Variants in KRABD2 observed in about 807,000 individuals in gnomAD.
KRABD2 encodes KRAB domain containing 2, also known as KRAB domain-containing protein 2.
the KRABD2 span, chr17:8,369,663 C>G: frequency 6.2e-7 from 1 of 1,614,168 alleles, no homozygotes; most frequent in Non-Finnish European, 8.5e-7. Flanking sequence ...ACTGGGTGTA[C>G]CAAGAATTGT....
the KRABD2 span, among the ~76,000 whole-genome samples, chr17:8,363,859 A>ATTTATT: frequency 4.0e-5 from 3 of 74,966 alleles, no homozygotes; most frequent in Non-Finnish European, 5.6e-5. Flanking sequence ...ATATATATAT[A>ATTTATT]TATTTATTTA....
At chr17:8,359,230 C>A in the KRABD2 span, among the ~76,000 whole-genome samples, 1 of 152,178 alleles carries the variant, frequency 6.6e-6, no homozygotes, top group Non-Finnish European at 1.5e-5. Context: ...TTCAGGGCAG[C>A]AGTAGTTGTA....
At chr17:8,367,431 G>A in the KRABD2 span, among the ~76,000 whole-genome samples, 5 of 150,676 alleles carry the variant, frequency 3.3e-5, no homozygotes, top group African/African-American at 1.2e-4. Flanking sequence ...CCTGGGAGGC[G>A]GAGGCTGCAG....
chr17:8,368,636 AT>A, the KRABD2 span: 586 of 140,118 alleles, frequency 4.2e-3, 1 homozygote, highest in Middle Eastern at 7.7e-3. Context: ...TGTGGTGGTA[AT>A]TTTTTTTTTT....
At chr17:8,370,342 C>G in the KRABD2 span, 1 of 1,602,498 alleles carries the variant, frequency 6.2e-7, no homozygotes, top group East Asian at 2.2e-5. Context: ...CCAGGTGGAT[C>G]ATTTCCAGCT....
At chr17:8,374,686 C>T in the KRABD2 span, among the ~76,000 whole-genome samples, 1 of 149,204 alleles carries the variant, frequency 6.7e-6, no homozygotes, top group Admixed American at 6.7e-5. Context: ...GGGGCTCACA[C>T]CTGTAACCCC....
At chr17:8,374,954 A>AAAAT in the KRABD2 span, among the ~76,000 whole-genome samples, 2 of 149,992 alleles carry the variant, frequency 1.3e-5, 1 homozygote, top group Non-Finnish European at 3.0e-5. Flanking sequence ...AAAAAAAAAA[A>AAAAT]AAAAAAAAAA....
chr17:8,360,102 C>G, the KRABD2 span, among the ~76,000 whole-genome samples: 1 of 152,100 alleles, frequency 6.6e-6, no homozygotes, highest in Non-Finnish European at 1.5e-5. Context: ...AGAACTCCTA[C>G]GCCAAAGTTC....
the KRABD2 span, among the ~76,000 whole-genome samples, chr17:8,366,197 A>G: frequency 1.3e-5 from 2 of 152,116 alleles, no homozygotes; most frequent in Non-Finnish European, 2.9e-5. Context: ...CCATTTCTGT[A>G]GAATCATTTA....
the KRABD2 span, among the ~76,000 whole-genome samples, chr17:8,373,079 T>C: frequency 2.0e-3 from 297 of 152,288 alleles, 1 homozygote; most frequent in Non-Finnish European, 3.5e-3. Context: ...ATCTAGTGAT[T>C]TTAAAAAAAT....
At chr17:8,375,598 T>C in the KRABD2 span, 1 of 152,094 alleles carries the variant, frequency 6.6e-6, no homozygotes, top group Admixed American at 6.6e-5. Context: ...TACAGTGGCA[T>C]GATCACGGCT....
the KRABD2 span, chr17:8,371,642 T>G: frequency 1.1e-5 from 16 of 1,419,200 alleles, no homozygotes; most frequent in Middle Eastern, 4.4e-4. Flanking sequence ...GGGAAAGGAG[T>G]TTTGCTTTCC....
At chr17:8,365,293 C>T in the KRABD2 span, among the ~76,000 whole-genome samples, 1 of 152,126 alleles carries the variant, frequency 6.6e-6, no homozygotes, top group East Asian at 1.9e-4. Context: ...CTTTTACCCA[C>T]AGGAGTTGAT....
chr17:8,363,929 T>G, the KRABD2 span, among the ~76,000 whole-genome samples: 1 of 149,282 alleles, frequency 6.7e-6, no homozygotes, highest in Non-Finnish European at 1.5e-5. Context: ...AGTGCAGTAG[T>G]GCGATCTTGG....
chr17:8,366,185 G>A, the KRABD2 span, among the ~76,000 whole-genome samples: 1 of 152,000 alleles, frequency 6.6e-6, no homozygotes, highest in African/African-American at 2.4e-5. Flanking sequence ...CCTTCCCCGT[G>A]CCCATTTCTG....
the KRABD2 span, among the ~76,000 whole-genome samples, chr17:8,361,148 GTAAA>G: frequency 6.6e-6 from 1 of 152,154 alleles, no homozygotes; most frequent in Non-Finnish European, 1.5e-5. Flanking sequence ...GAAAAAGTGG[GTAAA>G]TAGAGAACAT....
the KRABD2 span, among the ~76,000 whole-genome samples, chr17:8,374,032 G>A: frequency 3.3e-5 from 5 of 150,352 alleles, no homozygotes; most frequent in African/African-American, 9.8e-5. Context: ...CGCCCCGTCC[G>A]GGAGGGAGGT....
the KRABD2 span, chr17:8,369,866 A>G: frequency 2.5e-6 from 4 of 1,614,144 alleles, no homozygotes; most frequent in Non-Finnish European, 3.4e-6. Flanking sequence ...GCTTTGGTGC[A>G]AGGCCTCTCT....
the KRABD2 span, chr17:8,371,352 G>A: frequency 6.2e-7 from 1 of 1,614,154 alleles, no homozygotes; most frequent in Non-Finnish European, 8.5e-7. Context: ...TTGTGTCTCT[G>A]TAGCAATCCT....
Sources: gnomAD v4.1 joint callset for allele counts (sites outside exome capture counted in the v4.1 genomes callset) on GRCh38, gnomAD v4.1.1 for gene constraint, MANE v1.5 for transcripts, NCBI Gene and HGNC (gene_info 2026-07-23, HGNC 2026-07-21) for gene names.